EPHA6: variants seen among roughly 807,000 people sequenced by gnomAD.
The protein encoded by EPHA6 is EPH receptor A6.
In EPHA6, 50 loss-of-function variants were observed where a neutral mutation model predicts 112.0. That is an observed-to-expected ratio of 0.45 (90% CI 0.36 to 0.56). The LOEUF (loss-of-function observed/expected upper bound fraction) is 0.56. EPHA6 is among the 20% of genes least tolerant of loss of function. The pLI, the probability that EPHA6 is intolerant of heterozygous loss-of-function variation, is 0.00. For missense variants in EPHA6, 1,280 were observed against 1,417.4 expected (o/e 0.90, Z 1.56); for synonymous variants, 529 against 490.7 (o/e 1.08, Z -1.03).
intron 3 of EPHA6, among the ~76,000 whole-genome samples, chr3:97,147,911 C>T (rs1290961665): frequency 3.3e-5 from 5 of 151,914 alleles, no homozygotes; most frequent in African/African-American, 9.7e-5. Context: ...AATGGTAATG[C>T]GATAATATCC....
At chr3:96,923,582 G>A (rs1028092613) in intron 2 of EPHA6, among the ~76,000 whole-genome samples, 5 of 152,008 alleles carry the variant, frequency 3.3e-5, no homozygotes, top group African/African-American at 1.2e-4. Flanking sequence ...TATCTTGTAG[G>A]TTGTGTGTTC....
intron 5 of EPHA6, among the ~76,000 whole-genome samples, chr3:97,306,065 A>G (rs2081306325): frequency 6.6e-6 from 1 of 151,858 alleles, no homozygotes; most frequent in African/African-American, 2.4e-5. Flanking sequence ...AGAAAATAAA[A>G]AGGCTAAAAT....
intron 3 of EPHA6, among the ~76,000 whole-genome samples, chr3:97,177,682 G>A (rs2076874761): frequency 6.6e-6 from 1 of 151,498 alleles, no homozygotes; most frequent in Non-Finnish European, 1.5e-5. Flanking sequence ...TTGCTTAATC[G>A]ACCCCTTTAT....
intron 3 of EPHA6, among the ~76,000 whole-genome samples, chr3:97,144,787 T>C (rs1028961531): frequency 2.0e-5 from 3 of 151,530 alleles, no homozygotes; most frequent in Non-Finnish European, 4.4e-5. Context: ...TTCATACAGC[T>C]AAATGTCTCA....
intron 5 of EPHA6, among the ~76,000 whole-genome samples, chr3:97,321,490 A>C (rs771834231): frequency 6.6e-6 from 1 of 152,026 alleles, no homozygotes; most frequent in African/African-American, 2.4e-5. Flanking sequence ...ATGTAATTTT[A>C]TCATTTAAAT....
chr3:97,384,598 T>C (rs2085949545), intron 5 of EPHA6, among the ~76,000 whole-genome samples: 1 of 152,232 alleles, frequency 6.6e-6, no homozygotes, highest in African/African-American at 2.4e-5. Flanking sequence ...CAGTAGTCAA[T>C]TCAAACTCTT....
At chr3:97,176,528 T>C (rs1043612402) in intron 3 of EPHA6, among the ~76,000 whole-genome samples, 1 of 151,920 alleles carries the variant, frequency 6.6e-6, no homozygotes, top group Non-Finnish European at 1.5e-5. Context: ...GGTCCCAGGC[T>C]TTTCTTTACT....
intron 12 of EPHA6, among the ~76,000 whole-genome samples, chr3:97,608,735 A>T (rs2093697444): frequency 6.6e-6 from 1 of 151,244 alleles, no homozygotes; most frequent in South Asian, 2.1e-4. Context: ...AAATAAATAC[A>T]AGTACTAATA....
intron 2 of EPHA6, among the ~76,000 whole-genome samples, chr3:96,979,736 T>C (rs1039964232): frequency 7.2e-5 from 11 of 152,222 alleles, no homozygotes; most frequent in East Asian, 1.9e-4. Flanking sequence ...TTTTAATGAT[T>C]GCCATTCTAA....
intron 13 of EPHA6, among the ~76,000 whole-genome samples, chr3:97,630,653 G>A (rs1455585076): frequency 6.6e-6 from 1 of 151,838 alleles, no homozygotes; most frequent in Non-Finnish European, 1.5e-5. Context: ...GAAGTCCCTG[G>A]GCAGACTTAT....
chr3:97,062,096 C>T (rs2046040403), intron 3 of EPHA6, among the ~76,000 whole-genome samples: 1 of 152,000 alleles, frequency 6.6e-6, no homozygotes, highest in South Asian at 2.1e-4. Context: ...CACAATCATA[C>T]AAGTGTATAA....
intron 2 of EPHA6, among the ~76,000 whole-genome samples, chr3:96,946,366 T>G (rs934171605): frequency 2.7e-5 from 4 of 147,570 alleles, no homozygotes; most frequent in African/African-American, 7.4e-5. Flanking sequence ...GATGTTACTC[T>G]TCCTGTGTCC....
Position 97,678,468 on chromosome 3 carries a change from A to G in EPHA6, c.2784+40386A>G, listed in dbSNP as rs548145560. On this transcript the variant is annotated intron_variant, in intron 14 of 17. Coordinates refer to ENST00000389672, the MANE Select transcript of EPHA6 (RefSeq NM_001080448.3). ...CGCTTCCTGTGGTGAATGACAGAGCAGGGATAAAGGGCCAATAAGATCTGT... is the reference window on the plus strand; with the variant it reads ...CGCTTCCTGTGGTGAATGACAGAGCGGGGATAAAGGGCCAATAAGATCTGT... 2.6e-5 allele frequency among the ~76,000 whole-genome samples: 4 copies of G among 152,272 alleles called. No homozygotes were observed. The East Asian group carries it at 7.7e-4, about 29-fold the overall frequency.
intron 2 of EPHA6, among the ~76,000 whole-genome samples, chr3:96,928,819 A>G (rs1183481186): frequency 6.6e-6 from 1 of 152,194 alleles, no homozygotes; most frequent in Non-Finnish European, 1.5e-5. Context: ...GGGTGCATAT[A>G]TATTTAGAAT....
At chr3:96,931,312 C>T (rs1443336574) in intron 2 of EPHA6, among the ~76,000 whole-genome samples, 1 of 152,180 alleles carries the variant, frequency 6.6e-6, no homozygotes, top group Non-Finnish European at 1.5e-5. Flanking sequence ...TCTGGCAAAG[C>T]AGCTGTGCTG....
intron 14 of EPHA6, among the ~76,000 whole-genome samples, chr3:97,708,858 C>T (rs1003556818): frequency 1.3e-5 from 2 of 152,170 alleles, no homozygotes; most frequent in Non-Finnish European, 2.9e-5. Flanking sequence ...AAGCGTCAGG[C>T]CTTGGTGGCT....
intron 14 of EPHA6, among the ~76,000 whole-genome samples, chr3:97,671,766 G>T (rs371025023): frequency 1.3e-5 from 2 of 151,886 alleles, no homozygotes; most frequent in South Asian, 4.1e-4. Context: ...AGCAAGAATT[G>T]TTAAGAAACA....
intron 2 of EPHA6, among the ~76,000 whole-genome samples, chr3:96,925,522 T>C (rs2107641029): frequency 6.6e-6 from 1 of 152,252 alleles, no homozygotes; most frequent in South Asian, 2.1e-4. Context: ...ATTTGAATCT[T>C]CTCTTTAGTC....
chr3:96,910,121 G>T (rs1029592543), intron 2 of EPHA6, among the ~76,000 whole-genome samples: 2 of 151,926 alleles, frequency 1.3e-5, no homozygotes, highest in South Asian at 2.1e-4. Flanking sequence ...TGTACTAGGT[G>T]TGCCTTCAAC....
Sources: allele counts gnomAD v4.1 joint callset (sites outside exome capture counted in the v4.1 genomes callset), GRCh38; gene constraint gnomAD v4.1.1; transcripts MANE v1.5; gene names NCBI Gene and HGNC (gene_info 2026-07-23, HGNC 2026-07-21).